Variants in FAM98B observed in about 807,000 individuals in gnomAD.
FAM98B encodes tRNA-splicing ligase complex subunit FAM98B.
Under a neutral mutation model 43.9 loss-of-function variants are expected in FAM98B, and 32 were observed. The ratio of observed to expected loss-of-function variants is 0.73; its 90% confidence interval spans 0.55 to 0.98. FAM98B has a LOEUF of 0.98. Among genes scored for constraint, FAM98B ranks in the 50% least tolerant of loss-of-function variants. The pLI is 0.00. For synonymous variants in FAM98B, 190 were observed against 174.0 expected (o/e 1.09, Z -0.72); for missense variants, 514 against 522.9 (o/e 0.98, Z 0.17).
chr15:38,483,887 C>A lies in FAM98B; in HGVS notation c.898-368C>A, dbSNP rs981918539. On this transcript the variant is annotated intron_variant, in intron 7 of 7. Coordinates refer to ENST00000397609, the MANE Select transcript of FAM98B (RefSeq NM_173611.4). ...TGAGGTACATAGTGATGTTTTGATA[C>A]ATACAATGTATAGTGATCAGACGGG... Among the ~76,000 whole-genome samples the A allele has an allele frequency of 4.6e-5, 7 of 151,772 alleles. No homozygotes were observed. In the East Asian group the frequency reaches 1.4e-3, roughly 29 times the overall value.
intron 3 of FAM98B, among the ~76,000 whole-genome samples, chr15:38,468,404 AT>A (rs1890073163): frequency 6.6e-6 from 1 of 151,898 alleles, no homozygotes; most frequent in Admixed American, 6.6e-5. Context: ...TTTAAAAAAT[AT>A]TTTGTAAAGA....
At chr15:38,484,129 T>G (rs61409403) in intron 7 of FAM98B, 126 bp from the exon 8 acceptor site, 166,214 of 759,296 alleles carry the variant, frequency 0.22, 20,743 homozygotes, top group East Asian at 0.44. Flanking sequence ...TAATTTGTTC[T>G]GCCATGTCTG....
chr15:38,460,594 A>G (rs62002923), intron 1 of FAM98B, among the ~76,000 whole-genome samples: 1,749 of 152,318 alleles, frequency 0.011, 20 homozygotes, highest in Non-Finnish European at 0.019. Flanking sequence ...ATAAAAGTTT[A>G]AGAAGTACTG....
At chr15:38,459,716 A>C (rs1363906489) in intron 1 of FAM98B, among the ~76,000 whole-genome samples, 1 of 152,162 alleles carries the variant, frequency 6.6e-6, no homozygotes, top group African/African-American at 2.4e-5. Context: ...GGCCTGTACC[A>C]AGGGTGGGCG....
chr15:38,468,579 A>G (rs1042690596), intron 3 of FAM98B, among the ~76,000 whole-genome samples: 1 of 152,182 alleles, frequency 6.6e-6, no homozygotes, highest in Non-Finnish European at 1.5e-5. Flanking sequence ...GGAAAGTTTA[A>G]TATTGGTCTT....
intron 3 of FAM98B, among the ~76,000 whole-genome samples, chr15:38,466,664 A>G (rs1365018412): frequency 1.3e-5 from 2 of 152,168 alleles, no homozygotes; most frequent in Non-Finnish European, 2.9e-5. Flanking sequence ...AGTTTCAGTG[A>G]GGAAGACGAA....
chr15:38,473,538 CAT>C lies in FAM98B; in HGVS notation c.566_567del (p.His189ArgfsTer23), dbSNP rs751280530. The C allele has an allele frequency of 6.2e-7, 1 of 1,610,316 alleles. No homozygotes were observed. The highest frequency in any genetic ancestry group is 1.1e-5 in the South Asian group (1 of 90,144). ...KDILSKVQKNHVGKPLLKMDL... is the reference protein window; with the variant it reads ...KDILSKVQKNXVGKPLLKMDL... Reference sequence around the variant, plus strand: ...TATTCTCTCAAAGGTCCAGAAAAATCATGTGGGAAAACCACTGCTGAAAATGG... The same window carrying C: ...TATTCTCTCAAAGGTCCAGAAAAATCGTGGGAAAACCACTGCTGAAAATGG... On this transcript the variant is annotated frameshift_variant, in exon 5 of 8. Transcript: ENST00000397609. LOFTEE classifies it high-confidence loss of function.
Position 38,485,502 on chromosome 15 carries a change from C to T in FAM98B, c.*843C>T, listed in dbSNP as rs1431388045. 6.6e-6 allele frequency: 1 copy of T among 152,182 alleles called. No homozygotes were observed. Among genetic ancestry groups the T allele is most frequent in the East Asian group, 1.9e-4 (1 of 5,196 alleles). The allele number at this position is 152,182 out of a possible 1,614,324, so 9.4% of individuals were successfully genotyped here. On this transcript the variant is annotated 3_prime_UTR_variant, in exon 8 of 8. Coordinates refer to ENST00000397609, the MANE Select transcript of FAM98B (RefSeq NM_173611.4). ...ACAGAATTAAGGCAGTAATTTTCTG[C>T]TTCAGTAGATCAAGGGTAGGGCTAA... is the stretch of plus-strand genomic sequence containing the variant.
At chr15:38,459,419 C>T (rs1431309710) in intron 1 of FAM98B, 2 of 381,494 alleles carry the variant, frequency 5.2e-6, no homozygotes, top group East Asian at 1.5e-4. Context: ...AAATAGCAGA[C>T]AAGGGCCTTG....
rs1210311179 is a variant in FAM98B, at chr15:38,485,318, G to A, written c.*659G>A. On this transcript the variant is annotated 3_prime_UTR_variant, in exon 8 of 8. Coordinates refer to ENST00000397609, the MANE Select transcript of FAM98B (RefSeq NM_173611.4). ...AATCAGCATGATTTTGTTTGACAAA[G>A]CAAAGTTTAAGATTGAGGTCAGAAA... The A allele has an allele frequency of 6.6e-6, 1 of 152,194 alleles. No homozygotes were observed. Among genetic ancestry groups the A allele is most frequent in the Non-Finnish European group, 1.5e-5 (1 of 68,040 alleles). 9.4% of individuals were successfully genotyped at this position (152,194 alleles called of 1,614,324 possible).
At chr15:38,476,990 C>G (rs1890210282) in intron 6 of FAM98B, among the ~76,000 whole-genome samples, 1 of 151,886 alleles carries the variant, frequency 6.6e-6, no homozygotes, top group South Asian at 2.1e-4. Context: ...GACTCTGTCT[C>G]TAATGATAAA....
At chr15:38,467,177 A>G (rs1890048237) in intron 3 of FAM98B, among the ~76,000 whole-genome samples, 1 of 152,144 alleles carries the variant, frequency 6.6e-6, no homozygotes, top group Non-Finnish European at 1.5e-5. Context: ...TGCTCCAGAA[A>G]GGTTATACTA....
rs770334208 is a variant in FAM98B, at chr15:38,470,341, C to G, written c.467C>G (p.Thr156Arg). 2.2e-5 allele frequency: 36 copies of G among 1,606,500 alleles called. No individual in the cohort carries two copies. Among genetic ancestry groups the G allele is most frequent in the Non-Finnish European group, 2.8e-5 (33 of 1,177,882 alleles). The change falls in exon 4 of 8, where the codon ACA becomes AGA. Residue 156 changes from threonine to arginine, a missense_variant. Coordinates refer to ENST00000397609, the MANE Select transcript of FAM98B (RefSeq NM_173611.4). ...VYQEVQAMFD[T>R]LGIPKSTTSD... Reference sequence around the variant, plus strand: ...CAGGAAGTTCAAGCTATGTTTGATACACTTGGTATACCCAAGTCAACAACT... The same window carrying G: ...CAGGAAGTTCAAGCTATGTTTGATAGACTTGGTATACCCAAGTCAACAACT...
At position 38,484,313 on chromosome 15, in the gene FAM98B, C is replaced by A. The variant is rs1415001063; in HGVS notation, c.956C>A (p.Pro319His). The A allele has an allele frequency of 6.5e-7, 1 of 1,547,540 alleles. No individual in the cohort carries two copies. The highest frequency in any genetic ancestry group is 2.0e-5 in the Admixed American group (1 of 51,128). Residue 319 changes from proline to histidine, a missense_variant, in exon 8 of 8, where the codon CCT becomes CAT. This residue lies in a region of FAM98B where 469 missense variants were observed against 451.8 expected (regional missense o/e 1.04). Coordinates refer to ENST00000397609, the MANE Select transcript of FAM98B (RefSeq NM_173611.4). ...CGGCCGAATGAAATTGAACCACCAC[C>A]TCCAGAAATGCCCCCTTGGCAAAAG... Reference protein sequence around the residue: ...GGRPNEIEPPPPEMPPWQKRQ... With the variant: ...GGRPNEIEPPHPEMPPWQKRQ...
In FAM98B at chr15:38,481,479, C is replaced by T. The variant is rs146604215; in HGVS notation, c.897+20C>T. 6.2e-7 allele frequency: 1 copy of T among 1,613,996 alleles called. No homozygotes were observed. On this transcript the variant is annotated intron_variant, in intron 7 of 7. Coordinates refer to ENST00000397609, the MANE Select transcript of FAM98B (RefSeq NM_173611.4). ...AATAAGGTTGGTGTTTCTTTCAGTACAGTGGAAAATGAATTGATGATATCT... is the reference window on the plus strand; with the variant it reads ...AATAAGGTTGGTGTTTCTTTCAGTATAGTGGAAAATGAATTGATGATATCT...
chr15:38,462,861 G>A (rs1197022516), intron 1 of FAM98B, among the ~76,000 whole-genome samples: 1 of 152,146 alleles, frequency 6.6e-6, no homozygotes, highest in Admixed American at 6.5e-5. Context: ...TTGGAGAAAT[G>A]CCTGATTCCA....
At chr15:38,461,660 T>A (rs1889948201) in intron 1 of FAM98B, among the ~76,000 whole-genome samples, 2 of 152,246 alleles carry the variant, frequency 1.3e-5, no homozygotes, top group South Asian at 4.1e-4. Context: ...TACTTGTACT[T>A]ACCCTTCATC....
chr15:38,464,281 A>G (rs1346316758), intron 2 of FAM98B, 104 bp downstream of exon 2: 2 of 1,125,286 alleles, frequency 1.8e-6, no homozygotes, highest in Non-Finnish European at 2.3e-6. Flanking sequence ...GAAAAATCAC[A>G]TATTCCAAAG....
intron 7 of FAM98B, 120 bp downstream of exon 7, chr15:38,481,579 G>A: frequency 6.2e-7 from 1 of 1,611,884 alleles, no homozygotes; most frequent in Non-Finnish European, 8.5e-7. Flanking sequence ...AGAGTGGCAG[G>A]GGGGTTCAGT....
Sources: gnomAD v4.1 joint callset for allele counts (sites outside exome capture counted in the v4.1 genomes callset) on GRCh38, gnomAD v4.1.1 for gene constraint, gnomAD v4.1.1 regional missense constraint, MANE v1.5 for transcripts, NCBI Gene and HGNC (gene_info 2026-07-23, HGNC 2026-07-21) for gene names.